Variants in CLEC16A observed in about 807,000 individuals in gnomAD.
The protein encoded by CLEC16A is protein CLEC16A.
Under a neutral mutation model 109.5 loss-of-function variants are expected in CLEC16A, and 51 were observed. That is an observed-to-expected ratio of 0.47 (90% CI 0.37 to 0.59). CLEC16A has a LOEUF of 0.59. Among genes scored for constraint, CLEC16A ranks in the 20% least tolerant of loss-of-function variants. CLEC16A has a pLI of 0.00. For missense variants in CLEC16A, 1,339 were observed against 1,394.0 expected (o/e 0.96, Z 0.63); for synonymous variants, 673 against 564.2 (o/e 1.19, Z -2.73).
At chr16:11,154,369 G>A (rs1050131546) in intron 22 of CLEC16A, among the ~76,000 whole-genome samples, 1 of 152,206 alleles carries the variant, frequency 6.6e-6, no homozygotes, top group Admixed American at 6.5e-5. Context: ...TGTCTTGAAT[G>A]CAGTGTAACA....
chr16:11,066,829 C>G (rs1308476045), intron 19 of CLEC16A: 1 of 152,110 alleles, frequency 6.6e-6, no homozygotes, highest in African/African-American at 2.4e-5. Flanking sequence ...GAACATACTT[C>G]CCAGGGTCTG....
At chr16:11,025,000 A>G in intron 13 of CLEC16A, 79 bp downstream of exon 13, 2 of 1,075,894 alleles carry the variant, frequency 1.9e-6, no homozygotes, top group Admixed American at 2.0e-5. Flanking sequence ...TGCATGGAGG[A>G]CAAAGAAAGG....
intron 19 of CLEC16A, among the ~76,000 whole-genome samples, chr16:11,068,986 CT>C (rs34421150): frequency 0.14 from 17,201 of 123,384 alleles, 821 homozygotes; most frequent in African/African-American, 0.19. Flanking sequence ...GGCTAATTTT[CT>C]TTTTTTTTTT....
At position 11,174,789 on chromosome 16, in the gene CLEC16A, G is replaced by A. The variant is rs1158785177; in HGVS notation, c.2807-3546G>A. 6.6e-6 allele frequency among the ~76,000 whole-genome samples: 1 copy of A among 152,184 alleles called. No individual in the cohort carries two copies. Among genetic ancestry groups the A allele is most frequent in the Non-Finnish European group, 1.5e-5 (1 of 68,036 alleles). ...TGGCAAATTCAGTCCTGTTTTGACC[G>A]GAAGCCAAGAGCCATTTCCCTCATA... On this transcript the variant is annotated intron_variant, in intron 23 of 23. Transcript: ENST00000409790. This position sits in a 1 kb window ranked among gnomAD's most constrained non-coding sequence, Gnocchi z 4.7.
intron 11 of CLEC16A, among the ~76,000 whole-genome samples, chr16:11,017,252 A>C (rs2045815012): frequency 6.6e-6 from 1 of 152,154 alleles, no homozygotes; most frequent in African/African-American, 2.4e-5. Context: ...ACTTCAAGAG[A>C]TACTTATTGT....
intron 14 of CLEC16A, 113 bp downstream of exon 14, chr16:11,039,989 A>T (rs2047233178): frequency 5.3e-6 from 7 of 1,310,974 alleles, no homozygotes; most frequent in Non-Finnish European, 7.1e-6. Context: ...ATCCGGGCCC[A>T]TCCCAACCTC....
At chr16:11,164,619 A>T (rs1314431193) in intron 22 of CLEC16A, among the ~76,000 whole-genome samples, 2 of 152,194 alleles carry the variant, frequency 1.3e-5, no homozygotes, top group African/African-American at 4.8e-5. Context: ...TTCTGTCCAG[A>T]GCCAGGTAAC....
intron 23 of CLEC16A, among the ~76,000 whole-genome samples, chr16:11,172,357 G>A (rs566103129): frequency 6.6e-6 from 1 of 152,106 alleles, no homozygotes; most frequent in Admixed American, 6.5e-5. Context: ...GTGAGATGCC[G>A]ATAGGAAAAC....
In CLEC16A at chr16:11,052,916, G is replaced by C. The variant is rs76720673; in HGVS notation, c.1995+1275G>C. 4.6e-3 allele frequency among the ~76,000 whole-genome samples: 696 copies of C among 151,942 alleles called. 5 individuals are homozygous for C. Among genetic ancestry groups the C allele is most frequent in the Middle Eastern group, 0.017 (5 of 294 alleles). On this transcript the variant is annotated intron_variant, in intron 18 of 23. Transcript: ENST00000409790. ...TTGTTGTTGTTGTTGTTGTTTTGGAGGCTGCAGTGAGCTGTGATCCATCCT... is the reference window on the plus strand; with the variant it reads ...TTGTTGTTGTTGTTGTTGTTTTGGACGCTGCAGTGAGCTGTGATCCATCCT...
intron 10 of CLEC16A, among the ~76,000 whole-genome samples, chr16:10,990,373 T>A (rs1435798947): frequency 1.3e-5 from 2 of 152,206 alleles, no homozygotes; most frequent in Non-Finnish European, 2.9e-5. Context: ...AGCGTATCGT[T>A]GTCTGAGAAA....
At chr16:11,134,393 C>A (rs1283762588) in intron 22 of CLEC16A, among the ~76,000 whole-genome samples, 1 of 152,108 alleles carries the variant, frequency 6.6e-6, no homozygotes, top group Non-Finnish European at 1.5e-5. Context: ...CCCGACCACC[C>A]TGGAAGCTGG....
chr16:10,968,281 C>G (rs1217555482), intron 3 of CLEC16A, among the ~76,000 whole-genome samples: 1 of 152,254 alleles, frequency 6.6e-6, no homozygotes, highest in African/African-American at 2.4e-5. Flanking sequence ...CCGGCCAGCA[C>G]AGCTTTAAAA....
chr16:11,171,140 C>T lies in CLEC16A; in HGVS notation c.2806+4588C>T, dbSNP rs868859207. Among the ~76,000 whole-genome samples the T allele has an allele frequency of 9.2e-5, 14 of 152,318 alleles. No homozygotes were observed. In the East Asian group the frequency reaches 2.1e-3, roughly 23 times the overall value. ...GGGAGGACACTTTTGAGGAACATTCCCCATGCCCATCAGGGCCGCGGCCTA... is the reference window on the plus strand; with the variant it reads ...GGGAGGACACTTTTGAGGAACATTCTCCATGCCCATCAGGGCCGCGGCCTA... On this transcript the variant is annotated intron_variant, in intron 23 of 23. Transcript: ENST00000409790.
intron 22 of CLEC16A, among the ~76,000 whole-genome samples, chr16:11,154,770 C>CA (rs903348962): frequency 1.6e-4 from 24 of 151,856 alleles, no homozygotes; most frequent in Non-Finnish European, 3.1e-4. Flanking sequence ...ACTAAAAATA[C>CA]AAAAAAATTA....
chr16:11,085,262 C>T (rs77465110), intron 19 of CLEC16A, among the ~76,000 whole-genome samples: 4 of 152,348 alleles, frequency 2.6e-5, no homozygotes, highest in Non-Finnish European at 5.9e-5. Context: ...ATGTGACAGG[C>T]CCATTTTCAC....
At chr16:10,966,148 G>A (rs1475736465) in intron 3 of CLEC16A, among the ~76,000 whole-genome samples, 2 of 152,136 alleles carry the variant, frequency 1.3e-5, no homozygotes, top group Non-Finnish European at 2.9e-5. Context: ...TAGACTCCAG[G>A]TGGATAAATA....
At chr16:11,098,419 T>G (rs564420745) in intron 19 of CLEC16A, among the ~76,000 whole-genome samples, 1 of 152,346 alleles carries the variant, frequency 6.6e-6, no homozygotes, top group Non-Finnish European at 1.5e-5. Flanking sequence ...CCAGCCTGTT[T>G]AGTGTTGCTG....
chr16:11,027,068 TCTC>T, intron 13 of CLEC16A: 4 of 1,553,698 alleles, frequency 2.6e-6, no homozygotes, highest in Non-Finnish European at 3.5e-6. Context: ...TTCCAGAAAA[TCTC>T]CTGAAAAAGA....
intron 17 of CLEC16A, 23 bp downstream of exon 17, chr16:11,047,365 C>G: frequency 6.3e-7 from 1 of 1,592,660 alleles, no homozygotes; most frequent in Non-Finnish European, 8.6e-7. Flanking sequence ...CTGGGACACA[C>G]TTGGGCTGGT....
Sources: allele counts gnomAD v4.1 joint callset (sites outside exome capture counted in the v4.1 genomes callset), GRCh38; gene constraint gnomAD v4.1.1; non-coding constraint Gnocchi (gnomAD v3.1); transcripts MANE v1.5; gene names NCBI Gene and HGNC (gene_info 2026-07-23, HGNC 2026-07-21).